CCAR2: variants seen among roughly 807,000 people sequenced by gnomAD.
CCAR2 encodes the protein cell cycle and apoptosis regulator 2.
A neutral mutation model predicts 108.1 loss-of-function variants in CCAR2; 21 were observed. That is an observed-to-expected ratio of 0.19 (90% CI 0.14 to 0.28). The LOEUF (loss-of-function observed/expected upper bound fraction) is 0.28. CCAR2 is among the 10% of genes least tolerant of loss of function. The pLI, the probability that CCAR2 is intolerant of heterozygous loss-of-function variation, is 1.00. For synonymous variants in CCAR2, 577 were observed against 472.8 expected (o/e 1.22, Z -2.86); for missense variants, 1,126 against 1,177.0 (o/e 0.96, Z 0.63).
At chr8:22,612,503 T>C (rs1801324032) in intron 7 of CCAR2, among the ~76,000 whole-genome samples, 1 of 151,888 alleles carries the variant, frequency 6.6e-6, no homozygotes, top group Non-Finnish European at 1.5e-5. Flanking sequence ...CTTGACCTCG[T>C]GATCTGCCCG....
chr8:22,614,136 T>C lies in CCAR2; in HGVS notation c.749T>C (p.Leu250Pro). 6 of 1,614,104 alleles carry C rather than the reference T, an allele frequency of 3.7e-6. No homozygotes were observed. The highest frequency in any genetic ancestry group is 4.2e-6 in the Non-Finnish European group (5 of 1,180,034). ...FLELQRRYRS[L>P]LVPSDFLSVH... ...GAACTCCAGCGCCGTTACCGCAGCC[T>C]CCTGGTCCCCTCAGATTTTCTGTCC... Residue 250 changes from leucine (L) to proline (P), a missense_variant, in exon 9 of 21, where the codon CTC becomes CCC. Around this residue, in one of 4 missense-constraint regions of CCAR2, gnomAD observed 1,013 missense variants for 993.9 expected, o/e 1.02. Transcript: ENST00000308511.
chr8:22,619,675 G>A lies in CCAR2; in HGVS notation c.2765G>A (p.Ser922Asn). ...GTGGAGAAGGAGGAGCCGGCACCTAGCAACTGACGGCCTCGCACGGAACTG... is the reference window on the plus strand; with the variant it reads ...GTGGAGAAGGAGGAGCCGGCACCTAACAACTGACGGCCTCGCACGGAACTG... ...SWVEKEEPAP[S>N]N Residue 922 changes from serine (S) to asparagine (N), a missense_variant, in exon 21 of 21, where the codon AGC becomes AAC. Ser to Asn is a conservative substitution (Grantham distance 46). Transcript: ENST00000308511. 1.9e-6 allele frequency: 3 copies of A among 1,572,850 alleles called. No individual in the cohort carries two copies. Among genetic ancestry groups the A allele is most frequent in the Non-Finnish European group, 2.6e-6 (3 of 1,158,658 alleles).
At chr8:22,607,546 C>T (rs1801124472) in intron 6 of CCAR2, among the ~76,000 whole-genome samples, 1 of 148,562 alleles carries the variant, frequency 6.7e-6, no homozygotes, top group Non-Finnish European at 1.5e-5. Flanking sequence ...CGGCTCATTG[C>T]AACCTCTGCC....
intron 14 of CCAR2, among the ~76,000 whole-genome samples, chr8:22,617,098 C>T (rs1454789506): frequency 6.6e-6 from 1 of 151,700 alleles, no homozygotes; most frequent in Non-Finnish European, 1.5e-5. Context: ...TGGTCTTGAA[C>T]TCCTGACCTC....
intron 11 of CCAR2, 157 bp downstream of exon 11, chr8:22,615,158 C>T: frequency 1.8e-6 from 2 of 1,091,964 alleles, no homozygotes; most frequent in Non-Finnish European, 2.5e-6. Context: ...GGGGTGTATG[C>T]CAAAATCTGG....
At chr8:22,607,399 C>T (rs1322909524) in intron 6 of CCAR2, 74 bp downstream of exon 6, 2 of 1,569,680 alleles carry the variant, frequency 1.3e-6, no homozygotes, top group Admixed American at 1.7e-5. Flanking sequence ...CAGGTTGCTG[C>T]TCTTAGCATA....
In CCAR2 at chr8:22,606,684, C is replaced by CT; in HGVS notation, c.234dup (p.Gln79SerfsTer14). ...ACTTTGGGGTTGTGGATGAAGAGGT[C>CT]TTTTTTCAGCTAAGGTAGGCTTGAG... is the stretch of plus-strand genomic sequence containing the variant. On this transcript the variant is annotated frameshift_variant, in exon 4 of 21. Coordinates refer to ENST00000308511, the MANE Select transcript of CCAR2 (RefSeq NM_001393997.1). LOFTEE classifies it high-confidence loss of function. 1 of 1,613,932 alleles carries CT rather than the reference C, an allele frequency of 6.2e-7. No individual in the cohort carries two copies. Among genetic ancestry groups the CT allele is most frequent in the Non-Finnish European group, 8.5e-7 (1 of 1,179,900 alleles).
rs976139749 is a variant in CCAR2 at position 22,618,949 on chromosome 8, G to A, written c.2455G>A (p.Ala819Thr). ...LINVGSLLQR[A>T]EQQDSGRLYL... ...TAACGTGGGGAGCCTGCTGCAGCGCGCGGAGCAGCAGGACAGCGGCCGGCT... is the reference window on the plus strand; with the variant it reads ...TAACGTGGGGAGCCTGCTGCAGCGCACGGAGCAGCAGGACAGCGGCCGGCT... The change falls in exon 19 of 21, where the codon GCG (alanine) becomes ACG (threonine). Residue 819 changes from alanine to threonine, a missense_variant. Around this residue, in one of 4 missense-constraint regions of CCAR2, gnomAD observed 1,013 missense variants for 993.9 expected, o/e 1.02. Coordinates refer to ENST00000308511, the MANE Select transcript of CCAR2 (RefSeq NM_001393997.1). The A allele has an allele frequency of 6.8e-6, 11 of 1,613,528 alleles. No homozygotes were observed. The highest frequency in any genetic ancestry group is 2.2e-5 in the East Asian group (1 of 44,892).
At chr8:22,608,692 G>A (rs1801169524) in intron 7 of CCAR2, among the ~76,000 whole-genome samples, 1 of 152,144 alleles carries the variant, frequency 6.6e-6, no homozygotes, top group African/African-American at 2.4e-5. Context: ...CAGTTCACAT[G>A]TTCCTTCCTC....
At chr8:22,609,103 TGTG>T (rs1336970394) in intron 7 of CCAR2, among the ~76,000 whole-genome samples, 1 of 145,114 alleles carries the variant, frequency 6.9e-6, no homozygotes, top group Non-Finnish European at 1.5e-5. Context: ...CAGGCTGGAG[TGTG>T]GTGGTGTGAT....
In CCAR2 at chr8:22,606,985, G is replaced by T. The variant is rs1453982063; in HGVS notation, c.318G>T (p.Val106=). Residue 106 remains valine (V), a synonymous_variant, in exon 5 of 21, where the codon GTG becomes GTT. Transcript: ENST00000308511. ...CTGCATACAACCCAGGCCAGGCAGT[G>T]CCCTGGAATGCTGTCAAGGTGCAAA... ...VKAAYNPGQA[V]PWNAVKVQTL... is the part of the protein sequence containing the mutation. 1 of 1,614,136 alleles carries T rather than the reference G, an allele frequency of 6.2e-7. No individual in the cohort carries two copies. The highest frequency in any genetic ancestry group is 1.7e-5 in the Admixed American group (1 of 60,028).
chr8:22,612,954 C>T (rs2117441183), intron 7 of CCAR2, 63 bp from the exon 8 acceptor site: 1 of 1,491,212 alleles, frequency 6.7e-7, no homozygotes, highest in Non-Finnish European at 9.0e-7. Context: ...TCTTTTAGTT[C>T]AGTTTGTATT....
At chr8:22,606,017 A>C (rs1330624682) in intron 2 of CCAR2, 68 bp from the exon 3 acceptor site, 1 of 1,442,884 alleles carries the variant, frequency 6.9e-7, no homozygotes, top group Non-Finnish European at 9.7e-7. Context: ...GATTTACCAC[A>C]TCCTTTGGTT....
In CCAR2 at chr8:22,619,620, AT is replaced by A. The variant is rs1554563411; in HGVS notation, c.2728-17del. 2 of 642,164 alleles carry A rather than the reference AT, an allele frequency of 3.1e-6. No homozygotes were observed. Among genetic ancestry groups the A allele is most frequent in the Non-Finnish European group, 4.2e-6 (2 of 474,384 alleles). 39.8% of individuals were successfully genotyped at this position (642,164 alleles called of 1,614,324 possible). On this transcript the variant is annotated splice_polypyrimidine_tract_variant and intron_variant, in intron 20 of 20. Coordinates refer to ENST00000308511, the MANE Select transcript of CCAR2 (RefSeq NM_001393997.1). ...CCTTGCCAGGCCCGATTCTGGGTAC[AT>A]CATCTGTTTCAAACAGGCTGACAGC...
chr8:22,614,383 T>C lies in CCAR2; in HGVS notation c.928-7T>C, dbSNP rs754734684. On this transcript the variant is annotated splice_polypyrimidine_tract_variant and splice_region_variant and intron_variant, in intron 9 of 20. Transcript: ENST00000308511. ...GAAGGCAGCTCTGAGTGTCTCCTCC[T>C]GCACAGGTACTGCTGCTCTCTTCCC... 3.1e-6 allele frequency: 5 copies of C among 1,614,114 alleles called. No homozygotes were observed. Among genetic ancestry groups the C allele is most frequent in the Non-Finnish European group, 4.2e-6 (5 of 1,179,954 alleles).
chr8:22,619,332 G>T lies in CCAR2; in HGVS notation c.2704G>T (p.Glu902Ter). The T allele has an allele frequency of 6.4e-7, 1 of 1,561,634 alleles. No homozygotes were observed. Among genetic ancestry groups the T allele is most frequent in the East Asian group, 2.4e-5 (1 of 41,962 alleles). ...LRRRLTPLQL[E>*]IQRVVEKADS... is the part of the protein sequence containing the mutation. ...CAGGCGTCTGACCCCCCTGCAGCTG[G>T]AGATCCAGCGGGTGGTGGAAAAGGT... Residue 902 changes from glutamate to a stop codon, truncating the protein, a stop_gained, in exon 20 of 21, where the codon GAG becomes TAG. Transcript: ENST00000308511. LOFTEE classifies it high-confidence loss of function.
chr8:22,612,487 C>G (rs1011719644), intron 7 of CCAR2, among the ~76,000 whole-genome samples: 3 of 149,528 alleles, frequency 2.0e-5, no homozygotes, highest in African/African-American at 7.4e-5. Flanking sequence ...AGGATGGTCT[C>G]GATCTCTTGA....
chr8:22,617,454 C>A lies in CCAR2; in HGVS notation c.1880C>A (p.Ser627Tyr). Residue 627 changes from serine (S) to tyrosine (Y), a missense_variant, in exon 15 of 21, where the codon TCT becomes TAT. This residue lies in a region of CCAR2 where 1,013 missense variants were observed against 993.9 expected (regional missense o/e 1.02). Coordinates refer to ENST00000308511, the MANE Select transcript of CCAR2 (RefSeq NM_001393997.1). ...EDGLLPKPLS[S>Y]GGEEEEKPRG... ...GGGCTTTTGCCCAAACCACTCTCTT[C>A]TGGGGGAGAGGAAGAAGAAAAACCC... The A allele has an allele frequency of 6.3e-7, 1 of 1,596,366 alleles. No homozygotes were observed. Among genetic ancestry groups the A allele is most frequent in the East Asian group, 2.2e-5 (1 of 44,728 alleles).
At chr8:22,606,361 C>T (rs558970976) in intron 3 of CCAR2, among the ~76,000 whole-genome samples, 185 bp downstream of exon 3, 1 of 152,314 alleles carries the variant, frequency 6.6e-6, no homozygotes, top group Admixed American at 6.5e-5. Flanking sequence ...CCAGGGAAAT[C>T]TTTAGCTTAC....
Sources: allele counts gnomAD v4.1 joint callset (sites outside exome capture counted in the v4.1 genomes callset), GRCh38; gene constraint gnomAD v4.1.1; regional missense constraint gnomAD v4.1.1; transcripts MANE v1.5; gene names NCBI Gene and HGNC (gene_info 2026-07-23, HGNC 2026-07-21).